Variants in SP140 observed in about 807,000 individuals in gnomAD.
SP140 encodes nuclear body protein SP140.
Under a neutral mutation model 125.0 loss-of-function variants are expected in SP140, and 81 were observed. That is an observed-to-expected ratio of 0.65 (90% CI 0.54 to 0.78). SP140 has a LOEUF of 0.78. SP140 is among the 30% of genes least tolerant of loss of function. The pLI, the probability that SP140 is intolerant of heterozygous loss-of-function variation, is 0.00. For missense variants in SP140, 858 were observed against 1,037.0 expected (o/e 0.83, Z 2.37); for synonymous variants, 312 against 354.0 (o/e 0.88, Z 1.33).
intron 1 of SP140, among the ~76,000 whole-genome samples, chr2:230,228,617 T>A (rs1574870459): frequency 6.6e-6 from 1 of 152,346 alleles, no homozygotes; most frequent in African/African-American, 2.4e-5. Flanking sequence ...CTTGGAGAAT[T>A]GACCCTTTTA....
chr2:230,316,064 T>G (rs767471292), downstream of SP140, among the ~76,000 whole-genome samples: 1 of 152,190 alleles, frequency 6.6e-6, no homozygotes, highest in Non-Finnish European at 1.5e-5. Flanking sequence ...TCCAGGGCAA[T>G]GTGAATCCTG....
chr2:230,313,376 A>C (rs1264841983), downstream of SP140, among the ~76,000 whole-genome samples: 2 of 152,100 alleles, frequency 1.3e-5, no homozygotes, highest in Non-Finnish European at 2.9e-5. Context: ...GGTGGCTGCT[A>C]ATTAATGCCA....
At chr2:230,270,712 C>A in intron 15 of SP140, 73 bp downstream of exon 15, 1 of 1,347,402 alleles carries the variant, frequency 7.4e-7, no homozygotes, top group South Asian at 1.2e-5. Flanking sequence ...TTAATTTTGT[C>A]ATTGTTACTA....
chr2:230,226,446 G>T (rs1193354274), intron 1 of SP140, among the ~76,000 whole-genome samples: 1 of 152,078 alleles, frequency 6.6e-6, no homozygotes, highest in African/African-American at 2.4e-5. Context: ...CAACAAAAAA[G>T]GCAAGCAGGT....
chr2:230,215,381 T>G (rs2045010197), intron 3 of SP140, among the ~76,000 whole-genome samples: 2 of 152,210 alleles, frequency 1.3e-5, no homozygotes, highest in African/African-American at 4.8e-5. Context: ...AATCCAACTT[T>G]CAGGCACATT....
In SP140 at chr2:230,247,837, A is replaced by C. The variant is rs2049715888; in HGVS notation, c.743-79A>C. ...GAAAAAGTCACCTTGTTTCACTACA[A>C]TCTCCATCATGCTCACTAATCTAGT... On this transcript the variant is annotated intron_variant, in intron 7 of 26. Coordinates refer to ENST00000392045, the MANE Select transcript of SP140 (RefSeq NM_007237.5). 2.5e-5 allele frequency: 36 copies of C among 1,447,020 alleles called. No individual in the cohort carries two copies. The East Asian group carries it at 7.8e-4, about 31-fold the overall frequency. 89.6% of individuals were successfully genotyped at this position (1,447,020 alleles called of 1,614,324 possible).
chr2:230,274,003 A>C (rs1029568887), intron 15 of SP140, among the ~76,000 whole-genome samples: 1 of 152,024 alleles, frequency 6.6e-6, no homozygotes, highest in Non-Finnish European at 1.5e-5. Flanking sequence ...AATAACTAAT[A>C]AGTATGAGGC....
In SP140 at chr2:230,299,862, C is replaced by T. The variant is rs551606689; in HGVS notation, c.2058+2400C>T. ...CGGCTTCCCTTACTTATCTGGTGAA[C>T]TGTATGAAGCAGCAGAGGCAGGCAT... is the stretch of plus-strand genomic sequence containing the variant. On this transcript the variant is annotated intron_variant, in intron 22 of 26. Transcript: ENST00000392045. Among the ~76,000 whole-genome samples the T allele has an allele frequency of 7.2e-5, 11 of 152,218 alleles. 1 individual carries two copies. In the East Asian group the frequency reaches 2.1e-3, roughly 29 times the overall value.
chr2:230,313,802 T>C (rs2059460574), downstream of SP140, among the ~76,000 whole-genome samples: 1 of 152,106 alleles, frequency 6.6e-6, no homozygotes, highest in Non-Finnish European at 1.5e-5. Context: ...GTTGCCCAAA[T>C]TTTCACCTGT....
intron 22 of SP140, among the ~76,000 whole-genome samples, chr2:230,306,537 G>A (rs187698916): frequency 3.9e-5 from 6 of 152,360 alleles, no homozygotes; most frequent in African/African-American, 1.2e-4. Context: ...GCTCTTGGGG[G>A]CCCAGGAGGC....
chr2:230,203,090 T>C (rs2043345535), upstream of SP140: 1 of 323,246 alleles, frequency 3.1e-6, no homozygotes, highest in African/African-American at 2.1e-5. Flanking sequence ...AAAGCACCTC[T>C]CCAGGTTCCC....
rs147355633 is a variant in SP140, at chr2:230,260,158, T to C, written c.1240+4626T>C. Among the ~76,000 whole-genome samples the C allele has an allele frequency of 8.4e-3, 1,283 of 152,304 alleles. 11 individuals are homozygous for C. Among genetic ancestry groups the C allele is most frequent in the Non-Finnish European group, 0.013 (861 of 68,018 alleles). On this transcript the variant is annotated intron_variant, in intron 12 of 26. Coordinates refer to ENST00000392045, the MANE Select transcript of SP140 (RefSeq NM_007237.5). Reference sequence around the variant, plus strand: ...TCTTAAGGAGTGAGGTGGTATCGCATTGTGGTTTTGATTTGCATTTCCCTG... The same window carrying C: ...TCTTAAGGAGTGAGGTGGTATCGCACTGTGGTTTTGATTTGCATTTCCCTG...
chr2:230,209,874 C>T, intron 1 of SP140: 7 of 1,021,020 alleles, frequency 6.9e-6, no homozygotes, highest in Non-Finnish European at 1.1e-5. Flanking sequence ...GTCAGAAAAA[C>T]AGAAAGCAAC....
chr2:230,264,487 C>T (rs1322850713), intron 12 of SP140, among the ~76,000 whole-genome samples: 2 of 152,024 alleles, frequency 1.3e-5, no homozygotes, highest in African/African-American at 2.4e-5. Flanking sequence ...TCAGGGATTT[C>T]TTCTTGGTTC....
At chr2:230,277,561 C>T (rs2054907953) in intron 15 of SP140, among the ~76,000 whole-genome samples, 1 of 152,014 alleles carries the variant, frequency 6.6e-6, no homozygotes, top group Non-Finnish European at 1.5e-5. Flanking sequence ...TATCTTTATC[C>T]CAAAGAAGCT....
chr2:230,194,689 A>C, the SP140 span, among the ~76,000 whole-genome samples: 1 of 152,196 alleles, frequency 6.6e-6, no homozygotes, highest in African/African-American at 2.4e-5. Context: ...AATCTAATCC[A>C]GTTTGGAACT....
upstream of SP140, among the ~76,000 whole-genome samples, chr2:230,199,884 G>C (rs1036736464): frequency 6.6e-6 from 1 of 152,088 alleles, no homozygotes; most frequent in Admixed American, 6.6e-5. Flanking sequence ...GAGAACGATG[G>C]CTCCTGAAAA....
chr2:230,237,788 T>C lies in SP140; in HGVS notation c.238-425T>C, dbSNP rs765478391. Among the ~76,000 whole-genome samples the C allele has an allele frequency of 2.0e-5, 3 of 151,870 alleles. No individual in the cohort carries two copies. The highest frequency in any genetic ancestry group is 4.4e-5 in the Non-Finnish European group (3 of 67,982). On this transcript the variant is annotated intron_variant, in intron 2 of 26. Transcript: ENST00000392045. The surrounding 1 kb of genome is among the most constrained non-coding windows in gnomAD (Gnocchi z 5.4). ...TAGGGATACTGAGGACAAGGCTTCTTCTTGTCTTTGTGAATTTTCTGTGCC... is the reference window on the plus strand; with the variant it reads ...TAGGGATACTGAGGACAAGGCTTCTCCTTGTCTTTGTGAATTTTCTGTGCC...
At chr2:230,188,691 C>T in the SP140 span, among the ~76,000 whole-genome samples, 1 of 152,070 alleles carries the variant, frequency 6.6e-6, no homozygotes, top group African/African-American at 2.4e-5. Context: ...GGATCTTTAT[C>T]TAAAGGGATG....
Sources: gnomAD v4.1 joint callset for allele counts (sites outside exome capture counted in the v4.1 genomes callset) on GRCh38, gnomAD v4.1.1 for gene constraint, Gnocchi (gnomAD v3.1) non-coding constraint, MANE v1.5 for transcripts, NCBI Gene and HGNC (gene_info 2026-07-23, HGNC 2026-07-21) for gene names.